WDR17: variants seen among roughly 807,000 people sequenced by gnomAD.
WDR17 encodes the protein WD repeat-containing protein 17.
A neutral mutation model predicts 161.7 loss-of-function variants in WDR17; 143 were observed. The observed-to-expected ratio is 0.88, with a 90% CI of 0.77 to 1.02. The LOEUF (loss-of-function observed/expected upper bound fraction) is 1.02. WDR17 is among the 50% of genes least tolerant of loss of function. The pLI is 0.00. For missense variants in WDR17, 1,469 were observed against 1,520.9 expected (o/e 0.97, Z 0.57); for synonymous variants, 517 against 515.6 (o/e 1.00, Z -0.04).
rs758375074 is a variant in WDR17, at chr4:176,168,623, T to A, written c.2991-49T>A. ...TTCTTTGAGATAGTTATGAATGTTA[T>A]TTTTAAATCTTCTCCTCAATGAAGT... On this transcript the variant is annotated intron_variant, in intron 22 of 28. Transcript: ENST00000508596. The A allele has an allele frequency of 2.5e-6, 4 of 1,607,736 alleles. No homozygotes were observed. In the African/African-American group the frequency reaches 5.4e-5, roughly 22 times the overall value.
intron 23 of WDR17, among the ~76,000 whole-genome samples, chr4:176,169,102 A>G (rs1024579252): frequency 1.4e-4 from 21 of 152,232 alleles, no homozygotes; most frequent in Non-Finnish European, 2.5e-4. Context: ...GAGAATTTCA[A>G]CTTCAGCAAG....
chr4:176,123,832 T>C (rs77751478), intron 4 of WDR17, among the ~76,000 whole-genome samples: 1,773 of 152,308 alleles, frequency 0.012, 18 homozygotes, highest in Non-Finnish European at 0.019. Flanking sequence ...CTTCCCTCCC[T>C]GGACATTGGG....
chr4:176,143,442 T>A (rs1237473050), intron 11 of WDR17, among the ~76,000 whole-genome samples: 2 of 150,592 alleles, frequency 1.3e-5, no homozygotes, highest in East Asian at 3.9e-4. Context: ...GGCCAGAGGG[T>A]CACTTGAGCT....
chr4:176,156,675 C>T (rs1748175787), intron 18 of WDR17, among the ~76,000 whole-genome samples: 1 of 130,076 alleles, frequency 7.7e-6, no homozygotes, highest in South Asian at 2.6e-4. Flanking sequence ...CTGGGGTTGC[C>T]GTAAAAAAAA....
At chr4:176,121,885 A>G (rs958802250) in intron 4 of WDR17, among the ~76,000 whole-genome samples, 3 of 152,156 alleles carry the variant, frequency 2.0e-5, no homozygotes, top group Non-Finnish European at 2.9e-5. Context: ...TCCAGAAGAG[A>G]CCATTGTTTT....
rs746143999 is a variant in WDR17, at chr4:176,148,198, C to T, written c.1760C>T (p.Pro587Leu). The T allele has an allele frequency of 6.2e-6, 10 of 1,613,820 alleles. No individual in the cohort carries two copies. In the South Asian group the frequency reaches 9.9e-5, roughly 16 times the overall value. Residue 587 changes from proline to leucine, a missense_variant, in exon 13 of 29, where the codon CCT (proline) becomes CTT (leucine). Physicochemically the swap from Pro to Leu is moderately conservative, Grantham distance 98. Transcript: ENST00000508596. ...AATATTCTTAATGGACACACTGCAC[C>T]TGTGAGAGGATTAATGTGGAATACT... ...CINILNGHTAPVRGLMWNTEI... is the reference protein window; with the variant it reads ...CINILNGHTALVRGLMWNTEI...
chr4:176,154,013 C>G (rs1747659656), intron 17 of WDR17, among the ~76,000 whole-genome samples: 3 of 152,114 alleles, frequency 2.0e-5, no homozygotes. Context: ...TTTGGTACAA[C>G]AGTGTAATTC....
intron 1 of WDR17, among the ~76,000 whole-genome samples, chr4:176,104,296 A>T (rs1738316797): frequency 6.6e-6 from 1 of 152,122 alleles, no homozygotes; most frequent in South Asian, 2.1e-4. Flanking sequence ...ATGAAATGAC[A>T]CTAGACAGTA....
intron 23 of WDR17, among the ~76,000 whole-genome samples, chr4:176,170,493 T>A (rs1270539651): frequency 6.6e-6 from 1 of 152,044 alleles, no homozygotes; most frequent in Non-Finnish European, 1.5e-5. Context: ...TTTTGTATTC[T>A]TAGTAGAGAC....
Position 176,177,551 on chromosome 4 carries a change from A to C in WDR17, c.3629A>C (p.Glu1210Ala). ...IYATLLKRLK[E>A]ESLKGIIGPD... ...GCAACTTTATTAAAGAGACTAAAAG[A>C]AGAGTCACTGAAAGGAATTATTGGA... The change falls in exon 28 of 29, where the codon GAA becomes GCA. Residue 1210 changes from glutamate to alanine, a missense_variant. Coordinates refer to ENST00000508596, the MANE Select transcript of WDR17 (RefSeq NM_181265.4). 1 of 1,601,290 alleles carries C rather than the reference A, an allele frequency of 6.2e-7. No individual in the cohort carries two copies. The highest frequency in any genetic ancestry group is 8.5e-7 in the Non-Finnish European group (1 of 1,176,886).
intron 1 of WDR17, among the ~76,000 whole-genome samples, chr4:176,082,647 G>T (rs1734897444): frequency 6.6e-6 from 1 of 152,132 alleles, no homozygotes; most frequent in Admixed American, 6.6e-5. Flanking sequence ...AGGGTGAGCT[G>T]AAAATGGTAT....
In WDR17 at chr4:176,119,986, A is replaced by G. The variant is rs757849494; in HGVS notation, c.427A>G (p.Lys143Glu). The G allele has an allele frequency of 1.7e-5, 28 of 1,613,982 alleles. No individual in the cohort carries two copies. Among genetic ancestry groups the G allele is most frequent in the Non-Finnish European group, 2.3e-5 (27 of 1,180,008 alleles). The change falls in exon 4 of 29, where the codon AAA becomes GAA. Residue 143 changes from lysine (K) to glutamate (E), a missense_variant. Physicochemically the swap from Lys to Glu is moderately conservative, Grantham distance 56. Transcript: ENST00000508596. ...SGPDSGVIVH[K>E]DAHSFLSDIC... ...ACCAGATAGTGGAGTGATTGTACAC[A>G]AAGATGCTCATAGCTTCTTGTCTGA...
intron 17 of WDR17, among the ~76,000 whole-genome samples, chr4:176,154,555 T>G (rs911110907): frequency 6.6e-6 from 1 of 152,190 alleles, no homozygotes; most frequent in African/African-American, 2.4e-5. Flanking sequence ...ATGTTGTTTA[T>G]TTTTTTAAGC....
At chr4:176,165,444 G>A (rs531491163) in intron 22 of WDR17, among the ~76,000 whole-genome samples, 3 of 152,198 alleles carry the variant, frequency 2.0e-5, no homozygotes, top group Admixed American at 6.5e-5. Context: ...AGGGTTAGGG[G>A]TGCCAACCCC....
At chr4:176,084,434 A>G (rs57126758) in intron 1 of WDR17, among the ~76,000 whole-genome samples, 4,517 of 152,184 alleles carry the variant, frequency 0.03, 216 homozygotes, top group African/African-American at 0.1. Context: ...TAATCTATTT[A>G]TAAGAGAGCT....
intron 19 of WDR17, 150 bp from the exon 20 acceptor site, chr4:176,160,761 C>A: frequency 1.5e-6 from 1 of 670,320 alleles, no homozygotes; most frequent in Non-Finnish European, 2.3e-6. Context: ...CAATTAACAT[C>A]TCATTTCTCC....
chr4:176,074,862 T>C (rs185010078), intron 1 of WDR17, among the ~76,000 whole-genome samples: 2 of 145,556 alleles, frequency 1.4e-5, no homozygotes, highest in Admixed American at 7.0e-5. Context: ...TAGTTATTGC[T>C]CAATAAATAT....
intron 6 of WDR17, among the ~76,000 whole-genome samples, chr4:176,130,988 TAAAAAGA>T (rs1242493469): frequency 1.3e-5 from 2 of 151,648 alleles, no homozygotes; most frequent in Non-Finnish European, 2.9e-5. Context: ...CTATAAACAG[TAAAAAGA>T]AAAAACAAAC....
In WDR17 at chr4:176,071,330, C is replaced by CTT. The variant is rs10654973; in HGVS notation, c.-7+5260_-7+5261dup. Among the ~76,000 whole-genome samples the CTT allele has an allele frequency of 3.5e-5, 5 of 143,566 alleles. 1 individual carries two copies. The highest frequency in any genetic ancestry group is 3.0e-5 in the Non-Finnish European group (2 of 65,960). 94.2% of individuals were successfully genotyped at this position (143,566 alleles called of 152,430 possible). On this transcript the variant is annotated intron_variant, in intron 1 of 28. Coordinates refer to ENST00000508596, the MANE Select transcript of WDR17 (RefSeq NM_181265.4). ...TTCTCCCTTTTCTTTTTTCTTTTCT[C>CTT]TTTTTTTTTTGAGACAGAGTCTCAC...
Sources: gnomAD v4.1 joint callset for allele counts (sites outside exome capture counted in the v4.1 genomes callset) on GRCh38, gnomAD v4.1.1 for gene constraint, MANE v1.5 for transcripts, NCBI Gene and HGNC (gene_info 2026-07-23, HGNC 2026-07-21) for gene names.